FAM131C: variants seen among roughly 807,000 people sequenced by gnomAD.
The protein encoded by FAM131C is family with sequence similarity 131 member C.
A neutral mutation model predicts 29.8 loss-of-function variants in FAM131C; 14 were observed. That is an observed-to-expected ratio of 0.47 (90% CI 0.31 to 0.73). The LOEUF (loss-of-function observed/expected upper bound fraction) is 0.73, where lower values mean the gene tolerates loss of function less well. Among genes scored for constraint, FAM131C ranks in the 30% least tolerant of loss-of-function variants. The probability of loss-of-function intolerance (pLI) is 0.05; values close to 1 mark genes in which losing one functional copy is unlikely to be tolerated. For missense variants in FAM131C, 252 were observed against 383.8 expected, an observed-to-expected ratio of 0.66 and a Z score of 2.87; for synonymous variants, 86 against 157.8, an observed-to-expected ratio of 0.54 and a Z score of 3.41.
Position 16,058,512 on chromosome 1 carries a change from C to G in FAM131C, c.768G>C (p.Gly256=). 3 of 1,462,460 alleles carry G rather than the reference C, an allele frequency of 2.1e-6. No individual in the cohort carries two copies. Among genetic ancestry groups the G allele is most frequent in the Non-Finnish European group, 2.7e-6 (3 of 1,094,972 alleles). 90.6% of individuals were successfully genotyped at this position (1,462,460 alleles called of 1,614,324 possible). A position where few individuals can be genotyped will look rare whatever the true frequency, so the allele number is the denominator to read the frequency against. ...AGGGGAGGGAGCCCGGGGGGTGGGT[C>G]CCACCCTCGGGTCCTTGGGCCCCGG... ...RLPGAQGPEG[G]THPPGSLPSM... is the part of the protein sequence containing the mutation. Residue 256 remains glycine, a synonymous_variant, in exon 7 of 7, where the codon GGG becomes GGC. Coordinates refer to ENST00000375662, the MANE Select transcript of FAM131C (RefSeq NM_182623.3).
intron 1 of FAM131C, among the ~76,000 whole-genome samples, chr1:16,066,256 C>T (rs191318540): frequency 3.3e-5 from 5 of 152,302 alleles, no homozygotes; most frequent in African/African-American, 1.2e-4. Context: ...TTCTGGGATC[C>T]ACCCAAAGGT....
chr1:16,064,416 C>G (rs541725739), intron 1 of FAM131C, among the ~76,000 whole-genome samples: 1 of 152,306 alleles, frequency 6.6e-6, no homozygotes, highest in Admixed American at 6.5e-5. Context: ...CTGCTGCACC[C>G]AAGACCTTCT....
chr1:16,061,647 A>G (rs559803609), intron 4 of FAM131C, among the ~76,000 whole-genome samples: 18 of 152,248 alleles, frequency 1.2e-4, no homozygotes, highest in African/African-American at 3.6e-4. Context: ...TCCCAGTGGG[A>G]CCAGGTGGGC....
At chr1:16,067,150 T>A (rs2023692778) in intron 1 of FAM131C, among the ~76,000 whole-genome samples, 1 of 151,466 alleles carries the variant, frequency 6.6e-6, no homozygotes, top group South Asian at 2.1e-4. Flanking sequence ...CCAGCCCGCC[T>A]GGCTCCCCAC....
chr1:16,071,734 GC>G (rs2023752149), intron 1 of FAM131C, among the ~76,000 whole-genome samples: 1 of 152,214 alleles, frequency 6.6e-6, no homozygotes, highest in Non-Finnish European at 1.5e-5. Context: ...GCCCCAAAGA[GC>G]CCTGGCAGAG....
At chr1:16,065,343 G>A (rs2124131173) in intron 1 of FAM131C, among the ~76,000 whole-genome samples, 1 of 152,268 alleles carries the variant, frequency 6.6e-6, no homozygotes. Flanking sequence ...AGGTCTCCCG[G>A]CTCCCTTCTC....
In FAM131C at chr1:16,063,597, T is replaced by G. The variant is rs1194388989; in HGVS notation, c.62A>C (p.Gln21Pro). 6.2e-7 allele frequency: 1 copy of G among 1,612,978 alleles called. No individual in the cohort carries two copies. The highest frequency in any genetic ancestry group is 8.5e-7 in the Non-Finnish European group (1 of 1,179,512). ...ATCTGGGTTCAAGGGGTCCGCACCC[T>G]GGGGCATGGGGCAGTTCTTGTGGGC... ...TSAHKNCPMP[Q>P]GADPLNPDLP... The change falls in exon 2 of 7, where the codon CAG becomes CCG. Residue 21 changes from glutamine (Q) to proline (P), a missense_variant. Physicochemically the swap from Gln to Pro is moderately conservative, Grantham distance 76. This residue lies in a region of FAM131C where 76 missense variants were observed against 62.8 expected (regional missense o/e 1.21). Coordinates refer to ENST00000375662, the MANE Select transcript of FAM131C (RefSeq NM_182623.3).
rs1156740790 is a variant in FAM131C at position 16,058,609 on chromosome 1, G to C, written c.671C>G (p.Pro224Arg). 6.4e-7 allele frequency: 1 copy of C among 1,573,934 alleles called. No homozygotes were observed. The highest frequency in any genetic ancestry group is 1.3e-5 in the African/African-American group (1 of 74,628). Residue 224 changes from proline (P) to arginine (R), a missense_variant, in exon 7 of 7, where the codon CCT (proline) becomes CGT (arginine). Physicochemically the swap from Pro to Arg is moderately radical, Grantham distance 103. Around this residue, in one of 6 missense-constraint regions of FAM131C, gnomAD observed 11 missense variants for 76.8 expected, o/e 0.14. Coordinates refer to ENST00000375662, the MANE Select transcript of FAM131C (RefSeq NM_182623.3). ...PSPSPDSCPS[P>R]EEPPSTAGIP... The stretch of plus-strand genomic sequence containing the variant: ...GCCAGCGGTGCTGGGGGGCTCCTCA[G>C]GTGAGGGACAGCTGTCAGGGGAGGG...
rs756037632 is a variant in FAM131C, at chr1:16,059,974, A to T, written c.346T>A (p.Trp116Arg). ...ARGRVAHLIE[W>R]KGWSAQPAGW... Reference sequence around the variant, plus strand: ...GCCGGCTGGGCACTCCAGCCCTTCCACTCGATGAGGTGGGCCACGCGGCCT... The same window carrying T: ...GCCGGCTGGGCACTCCAGCCCTTCCTCTCGATGAGGTGGGCCACGCGGCCT... The change falls in exon 5 of 7, where the codon TGG (tryptophan) becomes AGG (arginine). Residue 116 changes from tryptophan to arginine, a missense_variant. Physicochemically the swap from Trp to Arg is moderately radical, Grantham distance 101. Transcript: ENST00000375662. The T allele has an allele frequency of 6.4e-7, 1 of 1,570,292 alleles. No individual in the cohort carries two copies. Among genetic ancestry groups the T allele is most frequent in the Non-Finnish European group, 8.7e-7 (1 of 1,155,470 alleles).
At chr1:16,066,221 T>A (rs2023680815) in intron 1 of FAM131C, among the ~76,000 whole-genome samples, 1 of 152,178 alleles carries the variant, frequency 6.6e-6, no homozygotes, top group African/African-American at 2.4e-5. Flanking sequence ...TGGATTAGAC[T>A]TAGTTTGCAG....
At chr1:16,071,178 G>T (rs550123064) in intron 1 of FAM131C, among the ~76,000 whole-genome samples, 119 of 152,354 alleles carry the variant, frequency 7.8e-4, no homozygotes, top group African/African-American at 2.6e-3. Context: ...GGGGCCAGGT[G>T]GGGGGCTCAG....
chr1:16,073,475 G>A lies in FAM131C; in HGVS notation c.-33C>T, dbSNP rs531523813. On this transcript the variant is annotated 5_prime_UTR_variant, in exon 1 of 7. Coordinates refer to ENST00000375662, the MANE Select transcript of FAM131C (RefSeq NM_182623.3). ...CCGCGGGGCCGGGCCGCTGCGCCCG[G>A]GGTGCGTGGGGCCGCGGGGCGTTCA... 122 of 1,188,610 alleles carry A rather than the reference G, an allele frequency of 1.0e-4. No individual in the cohort carries two copies. In the East Asian group the frequency reaches 3.9e-3, roughly 38 times the overall value. The allele number at this position is 1,188,610 out of a possible 1,614,324, so 73.6% of individuals were successfully genotyped here.
At chr1:16,062,645 G>A (rs56193927) in intron 2 of FAM131C, 111 bp from the exon 3 acceptor site, 2 of 1,474,400 alleles carry the variant, frequency 1.4e-6, no homozygotes, top group Non-Finnish European at 1.8e-6. Flanking sequence ...TTCTGGTGCT[G>A]TGTGAGGTTG....
In FAM131C at chr1:16,063,591, G is replaced by C; in HGVS notation, c.68C>G (p.Ala23Gly). ...GGGCAGATCTGGGTTCAAGGGGTCC[G>C]CACCCTGGGGCATGGGGCAGTTCTT... Reference protein sequence around the residue: ...AHKNCPMPQGADPLNPDLPSG... With the variant: ...AHKNCPMPQGGDPLNPDLPSG... The change falls in exon 2 of 7, where the codon GCG (alanine) becomes GGG (glycine). Residue 23 changes from alanine (A) to glycine (G), a missense_variant. By Grantham distance (60) the Ala-to-Gly change is moderately conservative. Around this residue, in one of 6 missense-constraint regions of FAM131C, gnomAD observed 76 missense variants for 62.8 expected, o/e 1.21. Coordinates refer to ENST00000375662, the MANE Select transcript of FAM131C (RefSeq NM_182623.3). 2 of 1,613,436 alleles carry C rather than the reference G, an allele frequency of 1.2e-6. No homozygotes were observed.
intron 1 of FAM131C, among the ~76,000 whole-genome samples, chr1:16,064,539 C>T (rs532602808): frequency 1.3e-5 from 2 of 152,274 alleles, no homozygotes; most frequent in African/African-American, 2.4e-5. Flanking sequence ...AGCATTCAGC[C>T]GGGATCTCAT....
Position 16,073,562 on chromosome 1 carries a change from G to C in FAM131C, c.-120C>G. On this transcript the variant is annotated 5_prime_UTR_variant, in exon 1 of 7. Transcript: ENST00000375662. ...AGAGGACGGGCGGGGCGGGGGGCTCGGGCGCCCTCAGCTCGGCCTCAGCTC... is the reference window on the plus strand; with the variant it reads ...AGAGGACGGGCGGGGCGGGGGGCTCCGGCGCCCTCAGCTCGGCCTCAGCTC... 2.3e-6 allele frequency: 1 copy of C among 430,194 alleles called. No individual in the cohort carries two copies. Among genetic ancestry groups the C allele is most frequent in the Non-Finnish European group, 3.5e-6 (1 of 287,148 alleles). 26.6% of individuals were successfully genotyped at this position (430,194 alleles called of 1,614,324 possible). A position where few individuals can be genotyped will look rare whatever the true frequency, so the allele number is the denominator to read the frequency against.
chr1:16,059,512 C>T lies in FAM131C; in HGVS notation c.544G>A (p.Gly182Ser). The T allele has an allele frequency of 3.7e-6, 6 of 1,610,552 alleles. No homozygotes were observed. The highest frequency in any genetic ancestry group is 5.1e-6 in the Non-Finnish European group (6 of 1,178,558). The change falls in exon 6 of 7, where the codon GGC becomes AGC. Residue 182 changes from glycine to serine, a missense_variant. Gly to Ser is a moderately conservative substitution (Grantham distance 56). This residue lies in a region of FAM131C where 33 missense variants were observed against 54.0 expected (regional missense o/e 0.61). Coordinates refer to ENST00000375662, the MANE Select transcript of FAM131C (RefSeq NM_182623.3). ...EELHPENSPQ[G>S]IVQLQDLESI... is the part of the protein sequence containing the mutation. ...GCTGTACCTTGGAGCTGGACGATGCCTTGGGGGCTGTTCTCGGGGTGCAGC... is the reference window on the plus strand; with the variant it reads ...GCTGTACCTTGGAGCTGGACGATGCTTTGGGGGCTGTTCTCGGGGTGCAGC...
intron 1 of FAM131C, among the ~76,000 whole-genome samples, chr1:16,072,204 G>A (rs929110846): frequency 1.3e-5 from 2 of 152,148 alleles, no homozygotes; most frequent in Non-Finnish European, 2.9e-5. Context: ...ATAAGTAAAG[G>A]AACCCCACAC....
chr1:16,059,891 C>G lies in FAM131C; in HGVS notation c.429G>C (p.Leu143=), dbSNP rs750361083. Residue 143 remains leucine (L), a synonymous_variant, in exon 5 of 7, where the codon CTG becomes CTC. Transcript: ENST00000375662. Reference sequence around the variant, plus strand: ...GACCTGCAGCAAAGCGGGCCTCACGCAGCTCATCCGGGAGGCAGCAGTAAT... The same window carrying G: ...GACCTGCAGCAAAGCGGGCCTCACGGAGCTCATCCGGGAGGCAGCAGTAAT... ...DEHYCCLPDE[L]REARFAAGVA... 16 of 1,611,662 alleles carry G rather than the reference C, an allele frequency of 9.9e-6. No homozygotes were observed. Among genetic ancestry groups the G allele is most frequent in the East Asian group, 6.7e-5 (3 of 44,898 alleles).
Sources: allele counts gnomAD v4.1 joint callset (sites outside exome capture counted in the v4.1 genomes callset), GRCh38; gene constraint gnomAD v4.1.1; regional missense constraint gnomAD v4.1.1; transcripts MANE v1.5; gene names NCBI Gene and HGNC (gene_info 2026-07-23, HGNC 2026-07-21).